NCKAP5: variants seen among roughly 807,000 people sequenced by gnomAD.
NCKAP5 encodes the protein nck-associated protein 5.
In NCKAP5, 92 loss-of-function variants were observed where a neutral mutation model predicts 167.0. The ratio of observed to expected loss-of-function variants is 0.55; its 90% CI spans 0.47 to 0.66. The LOEUF (loss-of-function observed/expected upper bound fraction) is 0.66, where lower values mean the gene tolerates loss of function less well. Ranked by LOEUF, NCKAP5 falls within the 30% of genes least tolerant of loss-of-function variation. The probability of loss-of-function intolerance (pLI) is 0.00; values close to 1 mark genes in which losing one functional copy is unlikely to be tolerated. For synonymous variants in NCKAP5, 891 were observed against 877.4 expected, an observed-to-expected ratio of 1.02 and a Z score of -0.27; for missense variants, 2,378 against 2,315.0, an observed-to-expected ratio of 1.03 and a Z score of -0.56.
At chr2:132,799,528 T>C (rs1684866665) in intron 11 of NCKAP5, among the ~76,000 whole-genome samples, 1 of 152,152 alleles carries the variant, frequency 6.6e-6, no homozygotes, top group African/African-American at 2.4e-5. Flanking sequence ...ACCACAGGTA[T>C]AGAGAGGCAC....
intron 6 of NCKAP5, among the ~76,000 whole-genome samples, chr2:133,064,425 A>G (rs2080118739): frequency 6.6e-6 from 1 of 152,214 alleles, no homozygotes; most frequent in Non-Finnish European, 1.5e-5. Context: ...CGTGCCAGAA[A>G]GAATGCTGAA....
chr2:133,022,167 G>T (rs1310944038), intron 6 of NCKAP5, among the ~76,000 whole-genome samples: 2 of 152,154 alleles, frequency 1.3e-5, no homozygotes, highest in African/African-American at 4.8e-5. Flanking sequence ...AAATATGACT[G>T]TAGGAGACTA....
At chr2:133,344,186 A>G (rs1489862284) in intron 3 of NCKAP5, among the ~76,000 whole-genome samples, 2 of 152,086 alleles carry the variant, frequency 1.3e-5, no homozygotes, top group Non-Finnish European at 1.5e-5. Context: ...GGTGGGTGGA[A>G]TGCTTGAGGT....
chr2:133,406,946 G>C, intron 3 of NCKAP5, among the ~76,000 whole-genome samples: 1 of 152,200 alleles, frequency 6.6e-6, no homozygotes, highest in East Asian at 1.9e-4. Context: ...TCACTGGTTA[G>C]CACAGTTTTT....
intron 6 of NCKAP5, among the ~76,000 whole-genome samples, chr2:133,019,302 C>T (rs1013350066): frequency 5.9e-5 from 9 of 151,656 alleles, no homozygotes; most frequent in South Asian, 2.1e-4. Context: ...TTTTCTTAAG[C>T]GAAAATTAAT....
At chr2:133,213,293 G>A (rs935865380) in intron 5 of NCKAP5, among the ~76,000 whole-genome samples, 6 of 152,104 alleles carry the variant, frequency 3.9e-5, no homozygotes. Context: ...GTGAAGAGAA[G>A]GAAAATAATA....
chr2:133,201,428 C>T (rs2085680704), intron 5 of NCKAP5, among the ~76,000 whole-genome samples: 1 of 152,046 alleles, frequency 6.6e-6, no homozygotes, highest in African/African-American at 2.4e-5. Context: ...ATCTCAAAAA[C>T]ATTAGGTTGA....
intron 6 of NCKAP5, among the ~76,000 whole-genome samples, chr2:133,018,906 T>C (rs1205241718): frequency 1.3e-5 from 2 of 152,198 alleles, no homozygotes; most frequent in African/African-American, 2.4e-5. Flanking sequence ...CCTAAAAGAC[T>C]TTCTACCCTT....
the NCKAP5 span, among the ~76,000 whole-genome samples, chr2:133,577,643 A>G: frequency 6.6e-6 from 1 of 152,112 alleles, no homozygotes; most frequent in East Asian, 1.9e-4. Flanking sequence ...CATTAGGTAT[A>G]TCTCCTAATG....
chr2:133,386,275 A>G (rs1686958528), intron 3 of NCKAP5, among the ~76,000 whole-genome samples: 1 of 152,162 alleles, frequency 6.6e-6, no homozygotes, highest in African/African-American at 2.4e-5. Flanking sequence ...TTCAAAGAAC[A>G]TTTTTATTTC....
chr2:133,191,218 A>G (rs2085204104), intron 5 of NCKAP5, among the ~76,000 whole-genome samples: 1 of 152,184 alleles, frequency 6.6e-6, no homozygotes, highest in Non-Finnish European at 1.5e-5. Flanking sequence ...CAAAACCACA[A>G]AGAGAAACTA....
chr2:133,430,637 C>T (rs1266932124), intron 3 of NCKAP5, among the ~76,000 whole-genome samples: 1 of 152,110 alleles, frequency 6.6e-6, no homozygotes, highest in African/African-American at 2.4e-5. Flanking sequence ...GGAGTCCTTT[C>T]CCCATTGCTT....
chr2:132,769,065 A>T (rs1264476872), intron 16 of NCKAP5, among the ~76,000 whole-genome samples: 1 of 150,192 alleles, frequency 6.7e-6, no homozygotes, highest in Non-Finnish European at 1.5e-5. Flanking sequence ...CTGCTTCAGC[A>T]TCCCGAGTAG....
intron 6 of NCKAP5, among the ~76,000 whole-genome samples, chr2:133,054,025 A>C (rs1421963278): frequency 2.0e-5 from 3 of 152,238 alleles, no homozygotes; most frequent in African/African-American, 7.2e-5. Flanking sequence ...GGATGAAGCC[A>C]GCCCATGTTC....
chr2:133,026,499 G>T (rs1418956238), intron 6 of NCKAP5, among the ~76,000 whole-genome samples: 2 of 151,894 alleles, frequency 1.3e-5, no homozygotes, highest in Non-Finnish European at 2.9e-5. Flanking sequence ...AAATGTTCAA[G>T]AATTCAGAAA....
intron 3 of NCKAP5, among the ~76,000 whole-genome samples, chr2:133,324,788 C>T (rs1354984082): frequency 6.6e-6 from 1 of 151,906 alleles, no homozygotes; most frequent in African/African-American, 2.4e-5. Flanking sequence ...GGCACGATCT[C>T]GGCTCACTGC....
chr2:133,491,398 AGGTTAAGAC>A (rs1237998914), intron 3 of NCKAP5, among the ~76,000 whole-genome samples: 1 of 152,156 alleles, frequency 6.6e-6, no homozygotes, highest in Non-Finnish European at 1.5e-5. Context: ...TGGAGCAGAG[AGGTTAAGAC>A]CTGCCTCATG....
chr2:133,098,752 C>G (rs1268448621), intron 6 of NCKAP5, among the ~76,000 whole-genome samples: 1 of 152,064 alleles, frequency 6.6e-6, no homozygotes, highest in South Asian at 2.1e-4. Flanking sequence ...CCTTTCAAAA[C>G]ATTATGTGCA....
chr2:133,002,679 T>C (rs2077827987), intron 6 of NCKAP5, among the ~76,000 whole-genome samples: 1 of 152,196 alleles, frequency 6.6e-6, no homozygotes, highest in Admixed American at 6.5e-5. Flanking sequence ...GTCCCTTGCC[T>C]AAGGAAACCC....
Sources: gnomAD v4.1 joint callset for allele counts (sites outside exome capture counted in the v4.1 genomes callset) on GRCh38, gnomAD v4.1.1 for gene constraint, MANE v1.5 for transcripts, NCBI Gene and HGNC (gene_info 2026-07-23, HGNC 2026-07-21) for gene names.